EMCN: variants seen among roughly 807,000 people sequenced by gnomAD.
The protein encoded by EMCN is MUC-14.
A neutral mutation model predicts 38.4 loss-of-function variants in EMCN; 37 were observed. That is an observed-to-expected ratio of 0.96 (90% confidence interval 0.74 to 1.27). EMCN has a LOEUF of 1.27. EMCN is among the 50% of genes most tolerant of loss of function. EMCN has a pLI of 0.00. For synonymous variants in EMCN, 95 were observed against 100.8 expected (o/e 0.94, Z 0.35); for missense variants, 318 against 302.8 (o/e 1.05, Z -0.37).
At chr4:100,468,270 G>A (rs998434432) in intron 3 of EMCN, among the ~76,000 whole-genome samples, 3 of 152,150 alleles carry the variant, frequency 2.0e-5, no homozygotes, top group Non-Finnish European at 4.4e-5. Context: ...GTGGGAGAGG[G>A]TCTGTTTTAT....
rs987431100 is a variant in EMCN, at chr4:100,475,054, T to TA, written c.242dup (p.Leu81PhefsTer4). On this transcript the variant is annotated frameshift_variant, in exon 3 of 12. Coordinates refer to ENST00000296420, the MANE Select transcript of EMCN (RefSeq NM_016242.4). LOFTEE classifies it high-confidence loss of function. ...ATTACTCACCTTCATCTTTACTTGT[T>TA]AAAAAAGTAGCTGTTGACATCAGAG... The TA allele has an allele frequency of 9.8e-6, 15 of 1,534,744 alleles. No homozygotes were observed. Among genetic ancestry groups the TA allele is most frequent in the Non-Finnish European group, 1.3e-5 (15 of 1,129,708 alleles).
chr4:100,434,964 A>G (rs1439179501), intron 5 of EMCN, among the ~76,000 whole-genome samples: 3 of 152,190 alleles, frequency 2.0e-5, no homozygotes, highest in African/African-American at 7.2e-5. Flanking sequence ...GAAAACCAGC[A>G]CAAGACAAGG....
chr4:100,451,645 G>A (rs1428382372), intron 4 of EMCN, among the ~76,000 whole-genome samples: 5 of 151,952 alleles, frequency 3.3e-5, no homozygotes, highest in Non-Finnish European at 1.5e-5. Context: ...ATGAGAACAA[G>A]TGTGGTATAG....
At chr4:100,418,575 C>T (rs1726801542) in intron 8 of EMCN, among the ~76,000 whole-genome samples, 1 of 152,078 alleles carries the variant, frequency 6.6e-6, no homozygotes, top group African/African-American at 2.4e-5. Context: ...AGCCATCCTT[C>T]TACTCTCTAG....
chr4:100,431,409 T>G (rs1281572605), intron 5 of EMCN, among the ~76,000 whole-genome samples: 1 of 152,162 alleles, frequency 6.6e-6, no homozygotes. Flanking sequence ...ATCAGTATAC[T>G]GAGCAAAGCA....
At chr4:100,434,286 C>CA (rs1394323300) in intron 5 of EMCN, among the ~76,000 whole-genome samples, 2 of 149,828 alleles carry the variant, frequency 1.3e-5, no homozygotes, top group African/African-American at 4.9e-5. Flanking sequence ...TTCCTGGACT[C>CA]ATACACCCTC....
intron 5 of EMCN, among the ~76,000 whole-genome samples, chr4:100,442,085 G>C (rs908917059): frequency 6.6e-6 from 1 of 152,168 alleles, no homozygotes. Context: ...CAGGTCTAGT[G>C]GTGATGAATT....
chr4:100,462,859 T>G (rs1379963953), intron 4 of EMCN, among the ~76,000 whole-genome samples: 1 of 152,106 alleles, frequency 6.6e-6, no homozygotes, highest in Non-Finnish European at 1.5e-5. Context: ...GTGCTTGAGA[T>G]GATTACAATA....
intron 11 of EMCN, among the ~76,000 whole-genome samples, chr4:100,402,024 G>T (rs184691838): frequency 2.0e-4 from 30 of 151,904 alleles, no homozygotes; most frequent in Non-Finnish European, 1.9e-4. Context: ...AAATTATTTC[G>T]AGAATTATTT....
At chr4:100,440,287 A>T (rs2110235937) in intron 5 of EMCN, among the ~76,000 whole-genome samples, 1 of 152,078 alleles carries the variant, frequency 6.6e-6, no homozygotes, top group East Asian at 1.9e-4. Context: ...TTTTTTTGTT[A>T]CATGGATGAA....
chr4:100,495,900 T>C (rs1729195050), intron 1 of EMCN, among the ~76,000 whole-genome samples: 1 of 152,146 alleles, frequency 6.6e-6, no homozygotes, highest in East Asian at 1.9e-4. Flanking sequence ...TTAGGATTAT[T>C]CTATCATTTT....
intron 1 of EMCN, among the ~76,000 whole-genome samples, chr4:100,489,270 T>A (rs1441754634): frequency 6.6e-6 from 1 of 152,222 alleles, no homozygotes; most frequent in Non-Finnish European, 1.5e-5. Flanking sequence ...CTGATGACTT[T>A]AAAGAGTTCA....
intron 1 of EMCN, among the ~76,000 whole-genome samples, chr4:100,512,636 C>T (rs1372137353): frequency 6.6e-6 from 1 of 151,808 alleles, no homozygotes; most frequent in East Asian, 1.9e-4. Flanking sequence ...AAAACCCTGT[C>T]TCTACTAAAA....
intron 4 of EMCN, among the ~76,000 whole-genome samples, chr4:100,456,010 G>C (rs1041798283): frequency 6.6e-6 from 1 of 152,150 alleles, no homozygotes; most frequent in Admixed American, 6.6e-5. Flanking sequence ...GTCCAGGCTG[G>C]TCTCAAACTC....
intron 1 of EMCN, among the ~76,000 whole-genome samples, chr4:100,505,061 G>A (rs530102104): frequency 2.0e-5 from 3 of 152,298 alleles, no homozygotes; most frequent in Admixed American, 6.5e-5. Flanking sequence ...CTCTGCTTCG[G>A]CTGCCAGGCA....
chr4:100,421,273 G>C lies in EMCN; in HGVS notation c.664+9C>G. 6.2e-7 allele frequency: 1 copy of C among 1,610,130 alleles called. No individual in the cohort carries two copies. Among genetic ancestry groups the C allele is most frequent in the Non-Finnish European group, 8.5e-7 (1 of 1,177,026 alleles). Reference sequence around the variant, plus strand: ...TTTCAGGAAAACAAAACAAAACACTGTTACCTACCCGGATCTGCCTTCCAG... The same window carrying C: ...TTTCAGGAAAACAAAACAAAACACTCTTACCTACCCGGATCTGCCTTCCAG... On this transcript the variant is annotated intron_variant, in intron 8 of 11. Transcript: ENST00000296420.
intron 1 of EMCN, among the ~76,000 whole-genome samples, chr4:100,511,986 C>T (rs1474096693): frequency 2.0e-5 from 3 of 152,198 alleles, no homozygotes; most frequent in African/African-American, 7.2e-5. Context: ...ACTTCTAGTT[C>T]AGGCATCTGA....
At chr4:100,448,360 C>T (rs1266296624) in intron 4 of EMCN, among the ~76,000 whole-genome samples, 1 of 152,122 alleles carries the variant, frequency 6.6e-6, no homozygotes, top group South Asian at 2.1e-4. Context: ...TCACTTGACT[C>T]TCTACATCAG....
Position 100,428,853 on chromosome 4 carries a change from C to T in EMCN, c.416-5449G>A, listed in dbSNP as rs80117736. On this transcript the variant is annotated intron_variant, in intron 5 of 11. Transcript: ENST00000296420. ...GTATGAGAGGTAGCTGTTGCGTTTA[C>T]GGAGCTCACATTTTAGTAGGGAAGG... 3.3e-3 allele frequency among the ~76,000 whole-genome samples: 506 copies of T among 152,148 alleles called. 1 individual carries two copies. Among genetic ancestry groups the T allele is most frequent in the Non-Finnish European group, 6.4e-3 (433 of 68,002 alleles).
Sources: gnomAD v4.1 joint callset for allele counts (sites outside exome capture counted in the v4.1 genomes callset) on GRCh38, gnomAD v4.1.1 for gene constraint, MANE v1.5 for transcripts, NCBI Gene and HGNC (gene_info 2026-07-23, HGNC 2026-07-21) for gene names.